Variants in CCDC138 observed in about 807,000 individuals in gnomAD.
CCDC138 encodes coiled-coil domain containing 138.
Under a neutral mutation model 82.3 loss-of-function variants are expected in CCDC138, and 66 were observed. That is an observed-to-expected ratio of 0.80 (90% CI 0.66 to 0.98). CCDC138 has a LOEUF of 0.98. CCDC138 is among the 50% of genes least tolerant of loss of function. CCDC138 has a pLI of 0.00. For missense variants in CCDC138, 816 were observed against 758.9 expected (o/e 1.08, Z -0.88); for synonymous variants, 297 against 265.4 (o/e 1.12, Z -1.16).
intron 13 of CCDC138, among the ~76,000 whole-genome samples, chr2:108,859,342 A>G (rs1293660531): frequency 2.6e-5 from 4 of 151,958 alleles, no homozygotes; most frequent in Non-Finnish European, 2.9e-5. Context: ...CTCCCATTCT[A>G]TAGGTTGTCT....
rs1558664148 is a variant in CCDC138 at position 108,816,110 on chromosome 2, G to A, written c.1206+5G>A. ...ATTCAGGAGAAGTGTGTAAAGGTTTGTTTTTTAATTTGAAATATGTGATTC... is the reference window on the plus strand; with the variant it reads ...ATTCAGGAGAAGTGTGTAAAGGTTTATTTTTTAATTTGAAATATGTGATTC... On this transcript the variant is annotated splice_donor_5th_base_variant and intron_variant, in intron 10 of 14. Transcript: ENST00000295124. The A allele has an allele frequency of 1.3e-6, 2 of 1,591,454 alleles. No homozygotes were observed. The highest frequency in any genetic ancestry group is 4.5e-5 in the East Asian group (2 of 44,684).
chr2:108,788,067 G>A lies in CCDC138; in HGVS notation c.129G>A (p.Lys43=). The change falls in exon 2 of 15, where the codon AAG becomes AAA. Residue 43 remains lysine (K), a synonymous_variant. Coordinates refer to ENST00000295124, the MANE Select transcript of CCDC138 (RefSeq NM_144978.3). ...CAAATTTTTATCAGTCTAAGTATAA[G>A]AGAAGAACTCTAACCTCCCCAGGTA... ...DFSNFYQSKY[K]RRTLTSPGDL... is the part of the protein sequence containing the mutation. 4.4e-6 allele frequency: 7 copies of A among 1,597,692 alleles called. No homozygotes were observed. Among genetic ancestry groups the A allele is most frequent in the Non-Finnish European group, 6.0e-6 (7 of 1,173,426 alleles).
chr2:108,836,413 A>G (rs1688590104), intron 10 of CCDC138, among the ~76,000 whole-genome samples: 4 of 152,218 alleles, frequency 2.6e-5, no homozygotes, highest in Admixed American at 1.3e-4. Context: ...ATTGATAGAT[A>G]TTTGGGCAGC....
In CCDC138 at chr2:108,798,451, A is replaced by G. The variant is rs759657062; in HGVS notation, c.600A>G (p.Lys200=). ...KLQCETAAQQ[K]FAEELQKRER... is the part of the protein sequence containing the mutation. The stretch of plus-strand genomic sequence containing the variant: ...AGTGTGAAACTGCAGCACAACAGAA[A>G]TTTGCTGAAGAACTTCAAAAGCGAG... The change falls in exon 6 of 15, where the codon AAA becomes AAG. Residue 200 remains lysine, a synonymous_variant. Transcript: ENST00000295124. The G allele has an allele frequency of 3.1e-6, 5 of 1,613,262 alleles. No homozygotes were observed. In the African/African-American group the frequency reaches 4.0e-5, roughly 13 times the overall value.
chr2:108,817,415 C>T (rs1410520993), intron 10 of CCDC138, among the ~76,000 whole-genome samples: 1 of 152,068 alleles, frequency 6.6e-6, no homozygotes, highest in Admixed American at 6.6e-5. Context: ...GCCTCAGTCT[C>T]CCAAGTAGCT....
At chr2:108,837,185 G>A (rs1688716957) in intron 10 of CCDC138, among the ~76,000 whole-genome samples, 1 of 152,026 alleles carries the variant, frequency 6.6e-6, no homozygotes, top group Non-Finnish European at 1.5e-5. Context: ...TTTATATATA[G>A]CCTTTATTAT....
Position 108,804,989 on chromosome 2 carries a change from ATG to A in CCDC138, c.837_838del (p.Asn279LysfsTer9). 6.5e-7 allele frequency: 1 copy of A among 1,541,712 alleles called. No homozygotes were observed. The highest frequency in any genetic ancestry group is 1.3e-5 in the South Asian group (1 of 77,920). On this transcript the variant is annotated frameshift_variant, in exon 7 of 15. Coordinates refer to ENST00000295124, the MANE Select transcript of CCDC138 (RefSeq NM_144978.3). LOFTEE classifies it high-confidence loss of function. ...TCTTTTGATGCATTGAAAGAATTGA[ATG>A]ATACCTTAAAAAAACAGGTAAGACC...
intron 5 of CCDC138, among the ~76,000 whole-genome samples, chr2:108,796,412 G>A (rs983580093): frequency 6.6e-6 from 1 of 152,142 alleles, no homozygotes. Context: ...AGCCACTGTG[G>A]AAAACACTTT....
chr2:108,880,823 A>T (rs762927276), downstream of CCDC138, among the ~76,000 whole-genome samples: 1 of 152,228 alleles, frequency 6.6e-6, no homozygotes, highest in Non-Finnish European at 1.5e-5. Flanking sequence ...TCTACCATGG[A>T]CATGTACAAG....
chr2:108,835,015 GT>G (rs1196555471), intron 10 of CCDC138, among the ~76,000 whole-genome samples: 1 of 152,218 alleles, frequency 6.6e-6, no homozygotes, highest in Admixed American at 6.5e-5. Flanking sequence ...TAAGCAGATT[GT>G]TTTGCACTTG....
chr2:108,799,097 C>T (rs895429315), intron 6 of CCDC138, among the ~76,000 whole-genome samples: 3 of 152,040 alleles, frequency 2.0e-5, no homozygotes, highest in South Asian at 2.1e-4. Flanking sequence ...AAGATTCATG[C>T]GTTATATTTG....
chr2:108,857,622 T>G (rs1423320557), intron 13 of CCDC138, among the ~76,000 whole-genome samples: 3 of 152,206 alleles, frequency 2.0e-5, no homozygotes, highest in Non-Finnish European at 4.4e-5. Context: ...TCAACGTTTT[T>G]AGCTATTTGT....
chr2:108,798,513 G>A lies in CCDC138; in HGVS notation c.662G>A (p.Arg221Lys), dbSNP rs1379925237. 1.9e-6 allele frequency: 3 copies of A among 1,613,746 alleles called. No homozygotes were observed. The change falls in exon 6 of 15, where the codon AGA (arginine) becomes AAA (lysine). Residue 221 changes from arginine to lysine, a missense_variant. Transcript: ENST00000295124. ...FLLEREQLLF[R>K]HENALSKIKG... is the part of the protein sequence containing the mutation. Reference sequence around the variant, plus strand: ...CTTGAAAGAGAACAACTGCTTTTCAGACATGAAAATGCCTTGAGTAAAATT... The same window carrying A: ...CTTGAAAGAGAACAACTGCTTTTCAAACATGAAAATGCCTTGAGTAAAATT...
intron 10 of CCDC138, among the ~76,000 whole-genome samples, chr2:108,821,995 C>A (rs930387170): frequency 3.3e-5 from 5 of 150,032 alleles, no homozygotes; most frequent in Non-Finnish European, 7.4e-5. Flanking sequence ...TAGATGAAAT[C>A]AAAAAACTAA....
chr2:108,786,943 T>G, intron 1 of CCDC138, 28 bp downstream of exon 1: 1 of 1,457,150 alleles, frequency 6.9e-7, no homozygotes, highest in South Asian at 1.3e-5. Context: ...GGTCCGCGGG[T>G]GGGCTCCTGC....
rs115637705 is a variant in CCDC138, at chr2:108,819,749, C to T, written c.1206+3644C>T. ...GAAAGGTATTTGTTTTCTGTTTTTTCAAATGCCCAAATACCCATTAAAAAA... is the reference window on the plus strand; with the variant it reads ...GAAAGGTATTTGTTTTCTGTTTTTTTAAATGCCCAAATACCCATTAAAAAA... On this transcript the variant is annotated intron_variant, in intron 10 of 14. Coordinates refer to ENST00000295124, the MANE Select transcript of CCDC138 (RefSeq NM_144978.3). Among the ~76,000 whole-genome samples, 627 of 152,162 alleles carry T rather than the reference C, an allele frequency of 4.1e-3. 3 individuals carry two copies. Among genetic ancestry groups the T allele is most frequent in the Non-Finnish European group, 7.1e-3 (486 of 67,992 alleles).
At chr2:108,791,514 A>G in intron 3 of CCDC138, 161 bp from the exon 4 acceptor site, 1 of 763,248 alleles carries the variant, frequency 1.3e-6, no homozygotes, top group Non-Finnish European at 2.2e-6. Flanking sequence ...AGTGACTGTT[A>G]GTTTTTACGT....
At chr2:108,831,266 T>C (rs542091265) in intron 10 of CCDC138, among the ~76,000 whole-genome samples, 1 of 152,258 alleles carries the variant, frequency 6.6e-6, no homozygotes, top group East Asian at 1.9e-4. Context: ...CACCTGATGA[T>C]CTTAAACGTT....
intron 7 of CCDC138, among the ~76,000 whole-genome samples, chr2:108,805,728 A>G (rs1308974497): frequency 6.6e-6 from 1 of 152,184 alleles, no homozygotes; most frequent in East Asian, 1.9e-4. Flanking sequence ...CTGTCTCAAA[A>G]AAAAAAAAAT....
Sources: allele counts gnomAD v4.1 joint callset (sites outside exome capture counted in the v4.1 genomes callset), GRCh38; gene constraint gnomAD v4.1.1; transcripts MANE v1.5; gene names NCBI Gene and HGNC (gene_info 2026-07-23, HGNC 2026-07-21).